Variants in SSX2IP observed in about 807,000 individuals in gnomAD.
SSX2IP encodes the protein afadin- and alpha-actinin-binding protein.
In SSX2IP, 55 loss-of-function variants were observed where a neutral mutation model predicts 84.9. The observed-to-expected ratio is 0.65, with a 90% CI of 0.52 to 0.81. The LOEUF (loss-of-function observed/expected upper bound fraction) is 0.81. Among genes scored for constraint, SSX2IP ranks in the 30% least tolerant of loss-of-function variants. The probability of loss-of-function intolerance (pLI) is 0.00; values close to 1 mark genes in which losing one functional copy is unlikely to be tolerated. For synonymous variants in SSX2IP, 239 were observed against 234.7 expected (o/e 1.02, Z -0.17); for missense variants, 664 against 705.2 (o/e 0.94, Z 0.66).
rs1649606420 is a variant in SSX2IP, at chr1:84,647,557, A to G, written c.1721T>C (p.Val574Ala). 3.1e-6 allele frequency: 5 copies of G among 1,612,334 alleles called. No individual in the cohort carries two copies. The highest frequency in any genetic ancestry group is 2.2e-5 in the East Asian group (1 of 44,770). ...TTTTTGATTTGTACATTCTCCTCCA[A>G]CCTGATTTGGTTTAATTTCTTCAGC... ...ITAEEIKPNQ[V>A]GGECTNQKWS... Residue 574 changes from valine (V) to alanine (A), a missense_variant, in exon 14 of 14, where the codon GTT (valine) becomes GCT (alanine). Transcript: ENST00000342203.
chr1:84,671,613 A>G (rs1653593257), intron 1 of SSX2IP, among the ~76,000 whole-genome samples: 1 of 152,204 alleles, frequency 6.6e-6, no homozygotes, highest in African/African-American at 2.4e-5. Flanking sequence ...TAATATTTCT[A>G]TATTATATCC....
intron 9 of SSX2IP, among the ~76,000 whole-genome samples, chr1:84,657,583 C>T (rs187691813): frequency 9.0e-4 from 137 of 152,150 alleles, no homozygotes; most frequent in Non-Finnish European, 1.4e-3. Context: ...TCAGTTTTCT[C>T]TTTTTGGGGG....
intron 11 of SSX2IP, among the ~76,000 whole-genome samples, chr1:84,654,821 T>C (rs1009868104): frequency 1.3e-5 from 2 of 152,166 alleles, no homozygotes; most frequent in East Asian, 1.9e-4. Context: ...TATACCTGGA[T>C]TGTATTAGAG....
chr1:84,650,871 A>AT (rs1306604561), intron 12 of SSX2IP, among the ~76,000 whole-genome samples: 2 of 151,878 alleles, frequency 1.3e-5, no homozygotes, highest in East Asian at 3.9e-4. Flanking sequence ...TGCCTGGCTA[A>AT]TTTTTTTGTA....
chr1:84,665,646 T>A (rs566797365), intron 5 of SSX2IP, among the ~76,000 whole-genome samples: 2 of 152,312 alleles, frequency 1.3e-5, no homozygotes, highest in East Asian at 1.9e-4. Context: ...CAGAATTGTA[T>A]CTTTTGTGTC....
At chr1:84,651,842 T>TTA in intron 12 of SSX2IP, 41 bp downstream of exon 12, 1 of 1,199,244 alleles carries the variant, frequency 8.3e-7, no homozygotes, top group Non-Finnish European at 1.2e-6. Context: ...ATAATTTTAT[T>TTA]TATATGCATG....
At chr1:84,658,490 G>T in intron 8 of SSX2IP, 22 bp from the exon 9 acceptor site, 5 of 1,609,496 alleles carry the variant, frequency 3.1e-6, no homozygotes, top group Non-Finnish European at 3.4e-6. Flanking sequence ...GAGAGATGAA[G>T]AGGAAAGGCT....
chr1:84,663,950 C>T (rs11580199), intron 6 of SSX2IP, among the ~76,000 whole-genome samples: 7,166 of 152,216 alleles, frequency 0.047, 227 homozygotes, highest in Middle Eastern at 0.085. Context: ...GACACACACA[C>T]GCCTAACTTT....
chr1:84,683,005 A>C (rs1054486699), intron 1 of SSX2IP, among the ~76,000 whole-genome samples: 1 of 151,924 alleles, frequency 6.6e-6, no homozygotes, highest in African/African-American at 2.4e-5. Flanking sequence ...AGATAAGGAA[A>C]CTGAAGCCTG....
intron 1 of SSX2IP, among the ~76,000 whole-genome samples, chr1:84,680,857 A>G (rs76624918): frequency 0.044 from 6,687 of 152,302 alleles, 174 homozygotes; most frequent in African/African-American, 0.049. Context: ...CAAATTTTCT[A>G]TAAATGAAAG....
chr1:84,657,769 C>A (rs953620209), intron 9 of SSX2IP, among the ~76,000 whole-genome samples: 17 of 152,196 alleles, frequency 1.1e-4, no homozygotes, highest in African/African-American at 4.1e-4. Flanking sequence ...ATGATGTCCT[C>A]TTTTCAAACA....
chr1:84,676,014 C>T (rs948691342), intron 1 of SSX2IP, among the ~76,000 whole-genome samples: 3 of 152,204 alleles, frequency 2.0e-5, no homozygotes, highest in African/African-American at 7.2e-5. Flanking sequence ...GGACACATGT[C>T]GTCAGGTCCT....
chr1:84,648,831 C>T (rs1649814530), intron 13 of SSX2IP, among the ~76,000 whole-genome samples: 1 of 152,162 alleles, frequency 6.6e-6, no homozygotes. Context: ...ATATTCAACT[C>T]ATCTACTGGT....
At chr1:84,686,924 A>C (rs1261790021) in intron 1 of SSX2IP, among the ~76,000 whole-genome samples, 12 of 152,200 alleles carry the variant, frequency 7.9e-5, no homozygotes. Context: ...TCAGTTTAAA[A>C]GAATGTTAGT....
chr1:84,657,921 G>T (rs1484365937), intron 9 of SSX2IP, among the ~76,000 whole-genome samples: 1 of 152,066 alleles, frequency 6.6e-6, no homozygotes, highest in Non-Finnish European at 1.5e-5. Context: ...ATCACTTGAG[G>T]CCAGGAGTTC....
intron 2 of SSX2IP, 63 bp from the exon 3 acceptor site, chr1:84,670,878 C>A (rs1034663980): frequency 1.5e-6 from 2 of 1,299,668 alleles, no homozygotes; most frequent in Non-Finnish European, 2.1e-6. Context: ...CTAACATAAT[C>A]GCCATTACTA....
chr1:84,674,017 G>C lies in SSX2IP; in HGVS notation c.-89-2709C>G, dbSNP rs1038176193. Among the ~76,000 whole-genome samples the C allele has an allele frequency of 3.9e-5, 6 of 152,266 alleles. No homozygotes were observed. In the Middle Eastern group the frequency reaches 0.01, roughly 259 times the overall value. ...GAAGGATAAAGACTGTACCAACTAA[G>C]AAAGACACTGATTTTACTTCTAGCT... On this transcript the variant is annotated intron_variant, in intron 1 of 13. Coordinates refer to ENST00000342203, the MANE Select transcript of SSX2IP (RefSeq NM_001166293.2).
chr1:84,660,124 T>C (rs969972859), intron 8 of SSX2IP, among the ~76,000 whole-genome samples: 5 of 152,058 alleles, frequency 3.3e-5, no homozygotes, highest in Non-Finnish European at 7.4e-5. Context: ...CATTACATCT[T>C]ATTTCTCTTG....
intron 9 of SSX2IP, among the ~76,000 whole-genome samples, chr1:84,657,250 G>GA (rs1401411530): frequency 6.6e-6 from 1 of 151,658 alleles, no homozygotes; most frequent in Non-Finnish European, 1.5e-5. Flanking sequence ...ATAGTTAAGT[G>GA]AAAAAAGCAC....
Sources: allele counts gnomAD v4.1 joint callset (sites outside exome capture counted in the v4.1 genomes callset), GRCh38; gene constraint gnomAD v4.1.1; transcripts MANE v1.5; gene names NCBI Gene and HGNC (gene_info 2026-07-23, HGNC 2026-07-21).